Variants in EYA4 observed in about 807,000 individuals in gnomAD.
EYA4 encodes the protein EYA transcriptional coactivator and phosphatase 4.
A neutral mutation model predicts 87.9 loss-of-function variants in EYA4; 31 were observed. That is an observed-to-expected ratio of 0.35 (90% CI 0.27 to 0.48). The LOEUF (loss-of-function observed/expected upper bound fraction) is 0.48, where lower values mean the gene tolerates loss of function less well. Among genes scored for constraint, EYA4 ranks in the 20% least tolerant of loss-of-function variants. The pLI is 0.99. For synonymous variants in EYA4, 263 were observed against 270.6 expected (o/e 0.97, Z 0.28); for missense variants, 678 against 761.4 (o/e 0.89, Z 1.29).
At chr6:133,283,485 A>G (rs1409745929) in intron 2 of EYA4, among the ~76,000 whole-genome samples, 9 of 152,202 alleles carry the variant, frequency 5.9e-5, no homozygotes, top group African/African-American at 2.2e-4. Context: ...TAGAGGTACC[A>G]TGCCAAGTGC....
chr6:133,479,005 T>C (rs147139921), intron 11 of EYA4, among the ~76,000 whole-genome samples: 1 of 152,260 alleles, frequency 6.6e-6, no homozygotes, highest in African/African-American at 2.4e-5. Context: ...CACCTGAAAA[T>C]TGATCTATAA....
intron 13 of EYA4, among the ~76,000 whole-genome samples, chr6:133,502,954 A>G (rs371268428): frequency 1.3e-5 from 2 of 152,150 alleles, no homozygotes; most frequent in African/African-American, 4.8e-5. Flanking sequence ...TATTTTGCCA[A>G]AATGCTTACT....
chr6:133,417,057 T>C (rs1223905552), intron 3 of EYA4, among the ~76,000 whole-genome samples: 2 of 152,208 alleles, frequency 1.3e-5, no homozygotes, highest in Non-Finnish European at 2.9e-5. Flanking sequence ...AACAGTTGTC[T>C]TGGCTATCGA....
intron 5 of EYA4, among the ~76,000 whole-genome samples, chr6:133,451,696 A>G (rs1016091778): frequency 5.3e-5 from 8 of 152,222 alleles, no homozygotes; most frequent in African/African-American, 1.9e-4. Flanking sequence ...AATGAATGCC[A>G]TAATATGTTC....
At chr6:133,414,045 A>G (rs182255406) in intron 3 of EYA4, among the ~76,000 whole-genome samples, 1 of 151,814 alleles carries the variant, frequency 6.6e-6, no homozygotes, top group Admixed American at 6.6e-5. Context: ...TACTGTTACT[A>G]CTCCAGTTCA....
chr6:133,324,752 A>G (rs1781359520), intron 2 of EYA4, among the ~76,000 whole-genome samples: 1 of 152,082 alleles, frequency 6.6e-6, no homozygotes, highest in South Asian at 2.1e-4. Context: ...CATGAACTTC[A>G]TCGAGTATGG....
Position 133,400,520 on chromosome 6 carries a change from G to GA in EYA4, c.83+18089dup, listed in dbSNP as rs1200600677. Among the ~76,000 whole-genome samples the GA allele has an allele frequency of 7.0e-4, 102 of 145,988 alleles. 1 individual carries two copies. The highest frequency in any genetic ancestry group is 2.1e-3 in the African/African-American group (85 of 39,568). On this transcript the variant is annotated intron_variant, in intron 3 of 19. Coordinates refer to ENST00000355286, the MANE Select transcript of EYA4 (RefSeq NM_004100.5). ...AAGACTCTGTCTTGAAAAAAAAAAAGAAAAAAAAAATTATATGCTTATATT... is the reference window on the plus strand; with the variant it reads ...AAGACTCTGTCTTGAAAAAAAAAAAGAAAAAAAAAAATTATATGCTTATATT...
chr6:133,357,258 G>A (rs1320425372), intron 2 of EYA4, among the ~76,000 whole-genome samples: 4 of 112,870 alleles, frequency 3.5e-5, no homozygotes, highest in African/African-American at 1.2e-4. Flanking sequence ...GCGACAGAGC[G>A]AGACTCCGTC....
At chr6:133,426,050 C>T (rs188619895) in intron 3 of EYA4, among the ~76,000 whole-genome samples, 3 of 151,110 alleles carry the variant, frequency 2.0e-5, no homozygotes, top group Admixed American at 2.0e-4. Context: ...GTTTCGCCAA[C>T]TTTGACCAGG....
chr6:133,289,065 T>C (rs1778286068), intron 2 of EYA4, among the ~76,000 whole-genome samples: 1 of 152,154 alleles, frequency 6.6e-6, no homozygotes, highest in Admixed American at 6.5e-5. Flanking sequence ...ATGGAGCACC[T>C]TCTTCCAAGA....
chr6:133,330,430 T>C (rs1781835928), intron 2 of EYA4, among the ~76,000 whole-genome samples: 1 of 151,956 alleles, frequency 6.6e-6, no homozygotes, highest in South Asian at 2.1e-4. Flanking sequence ...AATGAAGCAG[T>C]ACACTTCTTT....
chr6:133,446,523 T>G, intron 3 of EYA4, 107 bp from the exon 4 acceptor site: 13 of 1,309,932 alleles, frequency 9.9e-6, no homozygotes, highest in Non-Finnish European at 1.4e-5. Flanking sequence ...AGATACTGGT[T>G]TTAATTATTA....
At chr6:133,279,229 A>G (rs1458332525) in intron 2 of EYA4, among the ~76,000 whole-genome samples, 1 of 152,204 alleles carries the variant, frequency 6.6e-6, no homozygotes, top group Non-Finnish European at 1.5e-5. Flanking sequence ...ATTCGTGAAT[A>G]TTAAGTAAAA....
intron 3 of EYA4, among the ~76,000 whole-genome samples, chr6:133,434,616 A>G (rs1791487533): frequency 6.6e-6 from 1 of 152,330 alleles, no homozygotes; most frequent in East Asian, 1.9e-4. Context: ...GACTCTTAAC[A>G]CTGCTCTCAT....
intron 2 of EYA4, among the ~76,000 whole-genome samples, chr6:133,305,150 G>A (rs969611859): frequency 6.6e-6 from 1 of 152,160 alleles, no homozygotes; most frequent in Non-Finnish European, 1.5e-5. Flanking sequence ...TGCCTGACAT[G>A]TTTGAGAAAT....
intron 1 of EYA4, among the ~76,000 whole-genome samples, chr6:133,265,860 C>G (rs1377782463): frequency 1.3e-5 from 2 of 152,190 alleles, no homozygotes; most frequent in African/African-American, 4.8e-5. Context: ...CTCTTATGCT[C>G]CAATATCTTT....
intron 3 of EYA4, among the ~76,000 whole-genome samples, chr6:133,387,047 G>A (rs943601288): frequency 5.9e-5 from 9 of 152,054 alleles, no homozygotes; most frequent in African/African-American, 1.2e-4. Flanking sequence ...ATGACTTTCC[G>A]TTTTTTAAAG....
At chr6:133,259,846 G>C (rs1467223375) in intron 1 of EYA4, among the ~76,000 whole-genome samples, 3 of 152,122 alleles carry the variant, frequency 2.0e-5, no homozygotes, top group Non-Finnish European at 4.4e-5. Context: ...TTATAGAAAA[G>C]TTGTTTGGAA....
At chr6:133,475,190 C>A (rs1266166597) in intron 11 of EYA4, among the ~76,000 whole-genome samples, 2 of 152,034 alleles carry the variant, frequency 1.3e-5, no homozygotes, top group Non-Finnish European at 2.9e-5. Flanking sequence ...CACTACCATG[C>A]TGATTAAGAG....
Sources: allele counts gnomAD v4.1 joint callset (sites outside exome capture counted in the v4.1 genomes callset), GRCh38; gene constraint gnomAD v4.1.1; transcripts MANE v1.5; gene names NCBI Gene and HGNC (gene_info 2026-07-23, HGNC 2026-07-21).